CMC2: variants seen among roughly 807,000 people sequenced by gnomAD.
CMC2 encodes the protein COX assembly mitochondrial protein 2 homolog.
In CMC2, 5 loss-of-function variants were observed where a neutral mutation model predicts 7.5. The observed-to-expected ratio is 0.66, with a 90% confidence interval of 0.35 to 1.40. The LOEUF (loss-of-function observed/expected upper bound fraction) is 1.40. CMC2 is among the 40% of genes most tolerant of loss of function. The probability of loss-of-function intolerance (pLI) is 0.04; values close to 1 mark genes in which losing one functional copy is unlikely to be tolerated. For missense variants in CMC2, 115 were observed against 92.3 expected (o/e 1.25, Z -1.01); for synonymous variants, 37 against 31.4 (o/e 1.18, Z -0.60).
chr16:80,985,798 C>T (rs1370634553), intron 2 of CMC2, among the ~76,000 whole-genome samples: 1 of 147,954 alleles, frequency 6.8e-6, no homozygotes, highest in Non-Finnish European at 1.5e-5. Context: ...GATGATAAGA[C>T]CTGGTTTAGC....
chr16:80,996,206 C>A (rs899640395), intron 2 of CMC2, among the ~76,000 whole-genome samples: 2 of 152,128 alleles, frequency 1.3e-5, no homozygotes, highest in Non-Finnish European at 2.9e-5. Flanking sequence ...AAAAGCACAA[C>A]ATAAATCTAA....
intron 2 of CMC2, among the ~76,000 whole-genome samples, chr16:80,986,409 T>A (rs1967539708): frequency 6.6e-6 from 1 of 151,246 alleles, no homozygotes; most frequent in African/African-American, 2.4e-5. Context: ...GAGCTGAGAT[T>A]GTACCACTGC....
chr16:80,973,886 T>C lies in CMC2; in HGVS notation c.*2207A>G, dbSNP rs907484382. 6 of 152,216 alleles carry C rather than the reference T, an allele frequency of 3.9e-5. No individual in the cohort carries two copies. The highest frequency in any genetic ancestry group is 4.1e-4 in the South Asian group (2 of 4,836). 9.4% of individuals were successfully genotyped at this position (152,216 alleles called of 1,614,324 possible). ...GTTTGAATATCCCATAAAAACGTACTCATATATTACTTATAAAATTTTTAA... is the reference window on the plus strand; with the variant it reads ...GTTTGAATATCCCATAAAAACGTACCCATATATTACTTATAAAATTTTTAA... On this transcript the variant is annotated 3_prime_UTR_variant, in exon 4 of 4. Transcript: ENST00000219400.
At chr16:80,980,037 G>A (rs1967000989) in intron 3 of CMC2, among the ~76,000 whole-genome samples, 2 of 152,174 alleles carry the variant, frequency 1.3e-5, no homozygotes, top group South Asian at 2.1e-4. Context: ...TCCCGCCTCA[G>A]CCTCCCAAGT....
chr16:80,978,824 G>A (rs1431932447), intron 3 of CMC2, among the ~76,000 whole-genome samples: 1 of 152,188 alleles, frequency 6.6e-6, no homozygotes, highest in East Asian at 1.9e-4. Flanking sequence ...GCTCACGCCT[G>A]TAACCCCAGC....
intron 2 of CMC2, among the ~76,000 whole-genome samples, chr16:80,996,256 T>C (rs573951498): frequency 1.3e-5 from 2 of 152,294 alleles, no homozygotes; most frequent in South Asian, 4.1e-4. Flanking sequence ...AAGACTGAAA[T>C]GTTATTCCAC....
In CMC2 at chr16:80,973,126, G is replaced by C. The variant is rs1382169063; in HGVS notation, c.*2967C>G. 1 of 152,290 alleles carries C rather than the reference G, an allele frequency of 6.6e-6. No homozygotes were observed. Among genetic ancestry groups the C allele is most frequent in the Non-Finnish European group, 1.5e-5 (1 of 68,096 alleles). The allele number at this position is 152,290 out of a possible 1,614,324, so 9.4% of individuals were successfully genotyped here. A position where few individuals can be genotyped will look rare whatever the true frequency, so the allele number is the denominator to read the frequency against. Reference sequence around the variant, plus strand: ...GTCAGCAAGGCTGATGAGATGTAAAGCATGGAATAAGATGCAGCCACCCCT... The same window carrying C: ...GTCAGCAAGGCTGATGAGATGTAAACCATGGAATAAGATGCAGCCACCCCT... On this transcript the variant is annotated 3_prime_UTR_variant, in exon 4 of 4. Coordinates refer to ENST00000219400, the MANE Select transcript of CMC2 (RefSeq NM_020188.5).
At chr16:80,977,711 T>A (rs1419996948) in intron 3 of CMC2, among the ~76,000 whole-genome samples, 2 of 152,232 alleles carry the variant, frequency 1.3e-5, no homozygotes, top group Admixed American at 1.3e-4. Flanking sequence ...TCAAAAGTTT[T>A]GACTGAAGGA....
At chr16:81,004,430 G>A (rs964628744) in intron 1 of CMC2, among the ~76,000 whole-genome samples, 9 of 152,206 alleles carry the variant, frequency 5.9e-5, no homozygotes, top group African/African-American at 2.2e-4. Flanking sequence ...TGGGGAGGAA[G>A]GCTTAACTAC....
intron 3 of CMC2, among the ~76,000 whole-genome samples, chr16:80,980,245 T>C (rs1472372348): frequency 3.3e-5 from 5 of 152,076 alleles, no homozygotes; most frequent in Non-Finnish European, 7.4e-5. Context: ...CCTAGGTGTA[T>C]TTTTCATGTA....
chr16:80,996,413 A>G (rs1968418183), intron 2 of CMC2, among the ~76,000 whole-genome samples: 2 of 152,358 alleles, frequency 1.3e-5, no homozygotes, highest in Non-Finnish European at 2.9e-5. Context: ...AATATTTTAT[A>G]TAGTTTTTAC....
chr16:80,994,007 C>A (rs1204147851), intron 2 of CMC2, among the ~76,000 whole-genome samples: 1 of 152,128 alleles, frequency 6.6e-6, no homozygotes, highest in Non-Finnish European at 1.5e-5. Context: ...ACATATAAAT[C>A]AGTGAAACAG....
intron 1 of CMC2, 46 bp downstream of exon 1, chr16:81,006,688 G>A (rs1251037367): frequency 1.4e-5 from 14 of 984,200 alleles, no homozygotes; most frequent in Non-Finnish European, 1.7e-5. Flanking sequence ...GACCTGAGGA[G>A]GAACAACGGA....
chr16:80,997,595 C>T (rs1051898867), intron 1 of CMC2, 166 bp from the exon 2 acceptor site: 3 of 475,940 alleles, frequency 6.3e-6, no homozygotes, highest in Non-Finnish European at 7.5e-6. Context: ...CTTTCTAATT[C>T]AATGATTTAA....
intron 3 of CMC2, among the ~76,000 whole-genome samples, chr16:80,977,719 G>C (rs946885586): frequency 6.6e-6 from 1 of 152,144 alleles, no homozygotes; most frequent in African/African-American, 2.4e-5. Flanking sequence ...TTTGACTGAA[G>C]GATTCTAACA....
rs1257625287 is a variant in CMC2, at chr16:80,971,806, T to TATA, written c.*4284_*4286dup. The TATA allele has an allele frequency of 1.3e-5, 2 of 152,082 alleles. No individual in the cohort carries two copies. The highest frequency in any genetic ancestry group is 2.9e-5 in the Non-Finnish European group (2 of 68,022). The allele number at this position is 152,082 out of a possible 1,614,324, so 9.4% of individuals were successfully genotyped here. A position where few individuals can be genotyped will look rare whatever the true frequency, so the allele number is the denominator to read the frequency against. On this transcript the variant is annotated 3_prime_UTR_variant, in exon 4 of 4. Coordinates refer to ENST00000219400, the MANE Select transcript of CMC2 (RefSeq NM_020188.5). ...CTATGTGAGTGTTCGTATTAGTCTG[T>TATA]ATAGTTTTCTGTAAACCTGAAACAT... is the stretch of plus-strand genomic sequence containing the variant.
At chr16:80,980,023 A>AT in intron 3 of CMC2, among the ~76,000 whole-genome samples, 1 of 152,186 alleles carries the variant, frequency 6.6e-6, no homozygotes, top group African/African-American at 2.4e-5. Flanking sequence ...GGCTCAAGCG[A>AT]TCCTCCCGCC....
At chr16:80,999,540 T>A (rs1968695089) in intron 1 of CMC2, among the ~76,000 whole-genome samples, 1 of 136,338 alleles carries the variant, frequency 7.3e-6, no homozygotes, top group Non-Finnish European at 1.7e-5. Context: ...CCAATGGCAT[T>A]TTTTCACACA....
In CMC2 at chr16:80,978,256, A is replaced by G; in HGVS notation, c.154-2077T>C. 4.5e-6 allele frequency: 5 copies of G among 1,099,186 alleles called. No homozygotes were observed. The South Asian group carries it at 1.2e-4, about 26-fold the overall frequency. 68.1% of individuals were successfully genotyped at this position (1,099,186 alleles called of 1,614,324 possible). On this transcript the variant is annotated intron_variant, in intron 3 of 3. Coordinates refer to ENST00000219400, the MANE Select transcript of CMC2 (RefSeq NM_020188.5). ...TTCATATCTACCTTTAATCACGTCT[A>G]CTGGATTGCCCCCAGCAATCAGGTT...
Sources: gnomAD v4.1 joint callset for allele counts (sites outside exome capture counted in the v4.1 genomes callset) on GRCh38, gnomAD v4.1.1 for gene constraint, MANE v1.5 for transcripts, NCBI Gene and HGNC (gene_info 2026-07-23, HGNC 2026-07-21) for gene names.